ADAMTSL3: variants seen among roughly 807,000 people sequenced by gnomAD.
The protein encoded by ADAMTSL3 is ADAMTS like 3, also known as ADAMTS-like protein 3.
A neutral mutation model predicts 201.7 loss-of-function variants in ADAMTSL3; 128 were observed. That is an observed-to-expected ratio of 0.63 (90% CI 0.55 to 0.73). The LOEUF is 0.73. ADAMTSL3 is among the 30% of genes least tolerant of loss of function. The probability of loss-of-function intolerance (pLI) is 0.00; values close to 1 mark genes in which losing one functional copy is unlikely to be tolerated. For missense variants in ADAMTSL3, 1,990 were observed against 2,119.6 expected, an observed-to-expected ratio of 0.94 and a Z score of 1.20; for synonymous variants, 738 against 748.4, an observed-to-expected ratio of 0.99 and a Z score of 0.23.
At chr15:83,933,646 T>C (rs2066404143) in intron 17 of ADAMTSL3, among the ~76,000 whole-genome samples, 1 of 152,210 alleles carries the variant, frequency 6.6e-6, no homozygotes, top group African/African-American at 2.4e-5. Flanking sequence ...GGGGGAAATG[T>C]CTCCAGGGCA....
intron 12 of ADAMTSL3, among the ~76,000 whole-genome samples, chr15:83,892,198 A>T (rs1362912121): frequency 6.6e-6 from 1 of 150,840 alleles, no homozygotes; most frequent in Admixed American, 6.6e-5. Context: ...CCTGGGTGAC[A>T]GAAAGAGACT....
At chr15:83,945,257 C>CTA (rs2066633575) in intron 19 of ADAMTSL3, among the ~76,000 whole-genome samples, 2 of 152,134 alleles carry the variant, frequency 1.3e-5, no homozygotes, top group Admixed American at 6.5e-5. Context: ...AGTTGCCATA[C>CTA]TATAGGTCAA....
In ADAMTSL3 at chr15:83,983,253, G is replaced by C; in HGVS notation, c.3625G>C (p.Glu1209Gln). ...GNTVYITKRT[E>Q]VINILCDLIT... The stretch of plus-strand genomic sequence containing the variant: ...TACAGTATACATTACAAAAAGGACA[G>C]AGGTCATCAATATACTGTGTGACCT... Residue 1209 changes from glutamate (E) to glutamine (Q), a missense_variant, in exon 21 of 30, where the codon GAG becomes CAG. By Grantham distance (29) the Glu-to-Gln change is conservative. Transcript: ENST00000286744. 6.2e-7 allele frequency: 1 copy of C among 1,613,506 alleles called. No individual in the cohort carries two copies. The highest frequency in any genetic ancestry group is 1.1e-5 in the South Asian group (1 of 90,892).
intron 2 of ADAMTSL3, among the ~76,000 whole-genome samples, chr15:83,694,779 C>T (rs187516033): frequency 3.7e-4 from 57 of 152,288 alleles, no homozygotes; most frequent in Middle Eastern, 3.4e-3. Flanking sequence ...GCAGGCTCTG[C>T]GGGGAGAGGG....
chr15:83,960,861 AGCATAATATCTAT>A (rs1567265814), intron 19 of ADAMTSL3, among the ~76,000 whole-genome samples: 1 of 152,194 alleles, frequency 6.6e-6, no homozygotes, highest in Non-Finnish European at 1.5e-5. Context: ...TCAAAGCACC[AGCATAATATCTAT>A]GCACCAAAAC....
chr15:83,740,779 C>T (rs962991952), intron 3 of ADAMTSL3, among the ~76,000 whole-genome samples: 2 of 152,028 alleles, frequency 1.3e-5, no homozygotes, highest in African/African-American at 4.8e-5. Flanking sequence ...CAGACAAATT[C>T]TATAGATTCA....
chr15:83,970,654 C>T lies in ADAMTSL3; in HGVS notation c.2644+17C>T, dbSNP rs756471846. ...AGTGCAGTAGTAAGTATGCGGTGTC[C>T]GCGCTTCACCAAGATATGCTGATTC... On this transcript the variant is annotated intron_variant, in intron 20 of 29. Coordinates refer to ENST00000286744, the MANE Select transcript of ADAMTSL3 (RefSeq NM_207517.3). 32 of 1,612,542 alleles carry T rather than the reference C, an allele frequency of 2.0e-5. No individual in the cohort carries two copies. Among genetic ancestry groups the T allele is most frequent in the Middle Eastern group, 3.3e-4 (2 of 6,050 alleles).
intron 9 of ADAMTSL3, among the ~76,000 whole-genome samples, chr15:83,883,267 G>T (rs1313912734): frequency 1.3e-5 from 2 of 151,708 alleles, no homozygotes; most frequent in Admixed American, 1.3e-4. Flanking sequence ...CTGCCTCCCG[G>T]GTTCAAGCAA....
chr15:83,709,408 C>T (rs2061901360), intron 3 of ADAMTSL3, among the ~76,000 whole-genome samples: 3 of 152,158 alleles, frequency 2.0e-5, no homozygotes, highest in Non-Finnish European at 2.9e-5. Context: ...CAGTTACTAG[C>T]CAGCCTGTCT....
chr15:83,955,150 G>C (rs895623043), intron 19 of ADAMTSL3, among the ~76,000 whole-genome samples: 1 of 152,196 alleles, frequency 6.6e-6, no homozygotes, highest in African/African-American at 2.4e-5. Flanking sequence ...TACTTTCTGA[G>C]AGCCAGGGAT....
chr15:84,021,706 T>C lies in ADAMTSL3; in HGVS notation c.4457+113T>C. ...GCTAAGTTTTTTTTATCACTTACTG[T>C]ATACTAGGCATCCTGCTAAGTGCTT... On this transcript the variant is annotated intron_variant, in intron 26 of 29. Coordinates refer to ENST00000286744, the MANE Select transcript of ADAMTSL3 (RefSeq NM_207517.3). 5.4e-6 allele frequency: 6 copies of C among 1,110,092 alleles called. No homozygotes were observed. In the South Asian group the frequency reaches 1.0e-4, roughly 19 times the overall value. The allele number at this position is 1,110,092 out of a possible 1,614,324, so 68.8% of individuals were successfully genotyped here.
chr15:83,912,934 T>C (rs954146260), intron 15 of ADAMTSL3, among the ~76,000 whole-genome samples, 158 bp from the exon 16 acceptor site: 1 of 152,222 alleles, frequency 6.6e-6, no homozygotes, highest in African/African-American at 2.4e-5. Flanking sequence ...TTAACTGCAT[T>C]ACTGACCATC....
chr15:83,774,566 A>G (rs946812401), intron 4 of ADAMTSL3, among the ~76,000 whole-genome samples: 4 of 152,158 alleles, frequency 2.6e-5, no homozygotes, highest in South Asian at 4.1e-4. Flanking sequence ...AGGCCTGGGA[A>G]GGTTGCTGGA....
chr15:84,000,920 G>C (rs1329719366), intron 23 of ADAMTSL3, among the ~76,000 whole-genome samples: 3 of 152,170 alleles, frequency 2.0e-5, no homozygotes, highest in Non-Finnish European at 4.4e-5. Context: ...TTAATGTCAT[G>C]CTGAAACCGA....
intron 9 of ADAMTSL3, among the ~76,000 whole-genome samples, chr15:83,879,596 G>A (rs1225857098): frequency 3.9e-5 from 6 of 152,024 alleles, no homozygotes; most frequent in Non-Finnish European, 8.8e-5. Context: ...TTCTACTGTG[G>A]TCAAAGAACA....
rs1425366306 is a variant in ADAMTSL3 at position 83,858,792 on chromosome 15, T to C, written c.754T>C (p.Leu252=). The change falls in exon 8 of 30, where the codon TTG becomes CTG. Residue 252 remains leucine (L), a synonymous_variant. Coordinates refer to ENST00000286744, the MANE Select transcript of ADAMTSL3 (RefSeq NM_207517.3). ...AGAAGAAAATGTAATTGCTGTTCCT[T>C]TGGGAAGTCGAAGTGTGAGAATTAC... is the stretch of plus-strand genomic sequence containing the variant. ...KREENVIAVP[L]GSRSVRITVK... 1.9e-6 allele frequency: 3 copies of C among 1,613,900 alleles called. No individual in the cohort carries two copies. Among genetic ancestry groups the C allele is most frequent in the Non-Finnish European group, 2.5e-6 (3 of 1,179,862 alleles).
At position 83,874,290 on chromosome 15, in the gene ADAMTSL3, A is replaced by G. The variant is rs1252085032; in HGVS notation, c.960+3331A>G. Among the ~76,000 whole-genome samples the G allele has an allele frequency of 1.4e-5, 2 of 145,344 alleles. 1 individual carries two copies. Among genetic ancestry groups the G allele is most frequent in the East Asian group, 4.6e-4 (2 of 4,390 alleles). ...CTCCCATCCCACGCAGAGCTCCCAG[A>G]GGAAAGCGCCTCATAGGGATCCCAC... On this transcript the variant is annotated intron_variant, in intron 9 of 29. Coordinates refer to ENST00000286744, the MANE Select transcript of ADAMTSL3 (RefSeq NM_207517.3).
intron 28 of ADAMTSL3, among the ~76,000 whole-genome samples, chr15:84,033,032 G>T (rs571602183): frequency 4.0e-4 from 61 of 152,190 alleles, no homozygotes; most frequent in Non-Finnish European, 8.2e-4. Context: ...TCATTGTAAT[G>T]TGTACTTTCC....
At chr15:83,765,314 G>A (rs1055849081) in intron 3 of ADAMTSL3, among the ~76,000 whole-genome samples, 4 of 152,212 alleles carry the variant, frequency 2.6e-5, no homozygotes, top group Admixed American at 6.5e-5. Context: ...ACTAAATCTG[G>A]GTCGTTTGAG....
Sources: gnomAD v4.1 joint callset for allele counts (sites outside exome capture counted in the v4.1 genomes callset) on GRCh38, gnomAD v4.1.1 for gene constraint, MANE v1.5 for transcripts, NCBI Gene and HGNC (gene_info 2026-07-23, HGNC 2026-07-21) for gene names.